Variants in PBXIP1 observed in about 807,000 individuals in gnomAD.
The protein encoded by PBXIP1 is PBX homeobox interacting protein 1, also known as pre-B-cell leukemia transcription factor-interacting protein 1.
PBXIP1 carries 73 observed loss-of-function variants against 73.7 expected under a neutral mutation model. That is an observed-to-expected ratio of 0.99 (90% confidence interval 0.82 to 1.20). PBXIP1 has a LOEUF of 1.20. Ranked by LOEUF, PBXIP1 falls within the 50% of genes most tolerant of loss-of-function variation. The probability of loss-of-function intolerance (pLI) is 0.00; values close to 1 mark genes in which losing one functional copy is unlikely to be tolerated. For missense variants in PBXIP1, 818 were observed against 911.4 expected (o/e 0.90, Z 1.32); for synonymous variants, 330 against 366.9 (o/e 0.90, Z 1.15).
chr1:154,950,454 A>C (rs1319058716), intron 5 of PBXIP1: 1 of 152,404 alleles, frequency 6.6e-6, no homozygotes, highest in East Asian at 1.9e-4. Context: ...TCAGCCTCCC[A>C]AAGTGCTGGG....
Position 154,946,662 on chromosome 1 carries a change from G to A in PBXIP1, c.1012C>T (p.Leu338Phe). The A allele has an allele frequency of 6.2e-7, 1 of 1,612,726 alleles. No individual in the cohort carries two copies. The highest frequency in any genetic ancestry group is 1.7e-4 in the Middle Eastern group (1 of 6,054). ...ESELQQLRAR[L>F]QGLEADCVRG... Reference sequence around the variant, plus strand: ...ACACAGTCGGCCTCCAGCCCCTGGAGCCGGGCCCGCAGCTGCTGCAGCTCT... The same window carrying A: ...ACACAGTCGGCCTCCAGCCCCTGGAACCGGGCCCGCAGCTGCTGCAGCTCT... The change falls in exon 10 of 11, where the codon CTC becomes TTC. Residue 338 changes from leucine (L) to phenylalanine (F), a missense_variant. Transcript: ENST00000368463.
Position 154,945,915 on chromosome 1 carries a change from C to A in PBXIP1, c.1759G>T (p.Gly587Cys), listed in dbSNP as rs1654792570. ...LLRPKYRAPQ[G>C]CSGVDECARQ... ...GCACACTCGTCCACACCTGAGCAGC[C>A]CTGGGGTGCCCGGTACTTGGGCCTC... The change falls in exon 10 of 11, where the codon GGC becomes TGC. Residue 587 changes from glycine to cysteine, a missense_variant. By Grantham distance (159) the Gly-to-Cys change is radical. Coordinates refer to ENST00000368463, the MANE Select transcript of PBXIP1 (RefSeq NM_020524.4). 1 of 1,614,212 alleles carries A rather than the reference C, an allele frequency of 6.2e-7. No individual in the cohort carries two copies. The highest frequency in any genetic ancestry group is 1.3e-5 in the African/African-American group (1 of 75,074).
chr1:154,951,059 A>C lies in PBXIP1; in HGVS notation c.409+173T>G, dbSNP rs115647626. On this transcript the variant is annotated intron_variant, in intron 5 of 10. Transcript: ENST00000368463. The surrounding 1 kb of genome is among the most constrained non-coding windows in gnomAD (Gnocchi z 4.3). ...CCTTACCAGCAGTGTGACCTTGGTC[A>C]AGTCATTCAACCTTTCTGGGCCTCA... 2.6e-5 allele frequency among the ~76,000 whole-genome samples: 4 copies of C among 152,376 alleles called. No individual in the cohort carries two copies. The highest frequency in any genetic ancestry group is 5.9e-5 in the Non-Finnish European group (4 of 68,034).
chr1:154,946,510 C>T lies in PBXIP1; in HGVS notation c.1164G>A (p.Glu388=). The T allele has an allele frequency of 6.2e-7, 1 of 1,610,264 alleles. No individual in the cohort carries two copies. The highest frequency in any genetic ancestry group is 8.5e-7 in the Non-Finnish European group (1 of 1,180,018). ...LSFLKQKEQL[E]AEAQALRQEL... ...CTTGCCTTAATGCCTGTGCCTCAGCCTCCAGCTGTTCCTTCTGCTTCAGGA... is the reference window on the plus strand; with the variant it reads ...CTTGCCTTAATGCCTGTGCCTCAGCTTCCAGCTGTTCCTTCTGCTTCAGGA... Residue 388 remains glutamate (E), a synonymous_variant, in exon 10 of 11, where the codon GAG becomes GAA. Coordinates refer to ENST00000368463, the MANE Select transcript of PBXIP1 (RefSeq NM_020524.4).
At position 154,951,370 on chromosome 1, in the gene PBXIP1, C is replaced by T. The variant is rs759513344; in HGVS notation, c.271G>A (p.Val91Met). Residue 91 changes from valine to methionine, a missense_variant, in exon 5 of 11, where the codon GTG (valine) becomes ATG (methionine). Coordinates refer to ENST00000368463, the MANE Select transcript of PBXIP1 (RefSeq NM_020524.4). This position sits in a 1 kb window ranked among gnomAD's most constrained non-coding sequence, Gnocchi z 4.3. ...KGTLEGDVCG[V>M]EPPGPGDTVV... ...GTGTCTCCTGGGCCAGGAGGCTCCA[C>T]ACCACAAACATCACCTTCCAGGGTG... 1.9e-6 allele frequency: 3 copies of T among 1,614,168 alleles called. No homozygotes were observed. The highest frequency in any genetic ancestry group is 2.5e-6 in the Non-Finnish European group (3 of 1,180,018).
chr1:154,947,706 A>G lies in PBXIP1; in HGVS notation c.674T>C (p.Met225Thr). 3 of 1,613,268 alleles carry G rather than the reference A, an allele frequency of 1.9e-6. No individual in the cohort carries two copies. Among genetic ancestry groups the G allele is most frequent in the Non-Finnish European group, 2.5e-6 (3 of 1,179,754 alleles). The change falls in exon 8 of 11, where the codon ATG becomes ACG. Residue 225 changes from methionine (M) to threonine (T), a missense_variant. By Grantham distance (81) the Met-to-Thr change is moderately conservative. Transcript: ENST00000368463. ...GAGGACCTGCCGCTCCACTTCCTCCATGGGCCCTGTGGGAAAGGGAAACCC... is the reference window on the plus strand; with the variant it reads ...GAGGACCTGCCGCTCCACTTCCTCCGTGGGCCCTGTGGGAAAGGGAAACCC... Reference protein sequence around the residue: ...GGLSESETGPMEEVERQVLPD... With the variant: ...GGLSESETGPTEEVERQVLPD...
At chr1:154,953,181 A>G (rs1418397085) in intron 2 of PBXIP1, among the ~76,000 whole-genome samples, 1 of 151,982 alleles carries the variant, frequency 6.6e-6, no homozygotes, top group Non-Finnish European at 1.5e-5. Context: ...GCCTGAGACA[A>G]TGATTGTCCT....
rs1172476008 is a variant in PBXIP1, at chr1:154,946,630, G to GC, written c.1043dup (p.Asp350ArgfsTer9). On this transcript the variant is annotated frameshift_variant, in exon 10 of 11. Transcript: ENST00000368463. LOFTEE classifies it high-confidence loss of function. ...CCCCACTGAGGCACACCCCATCTGG[G>GC]CCCCGGACACAGTCGGCCTCCAGCC... 6.2e-7 allele frequency: 1 copy of GC among 1,612,154 alleles called. No homozygotes were observed. Among genetic ancestry groups the GC allele is most frequent in the East Asian group, 2.2e-5 (1 of 44,836 alleles).
At chr1:154,955,056 T>A in intron 1 of PBXIP1, 1 of 605,928 alleles carries the variant, frequency 1.7e-6, no homozygotes, top group Non-Finnish European at 2.1e-6. Context: ...AAGATCCAAG[T>A]CCTGGATAGG....
intron 5 of PBXIP1, among the ~76,000 whole-genome samples, chr1:154,949,518 G>A (rs1024903466): frequency 5.9e-5 from 9 of 151,892 alleles, no homozygotes; most frequent in Non-Finnish European, 1.2e-4. Flanking sequence ...CCTGAGCCTC[G>A]GCATCTACAT....
In PBXIP1 at chr1:154,947,707, T is replaced by C. The variant is rs752127555; in HGVS notation, c.673A>G (p.Met225Val). 3.1e-6 allele frequency: 5 copies of C among 1,613,208 alleles called. No individual in the cohort carries two copies. The Admixed American group carries it at 6.7e-5, about 22-fold the overall frequency. Residue 225 changes from methionine to valine, a missense_variant, in exon 8 of 11, where the codon ATG (methionine) becomes GTG (valine). By Grantham distance (21) the Met-to-Val change is conservative (BLOSUM62 1). Coordinates refer to ENST00000368463, the MANE Select transcript of PBXIP1 (RefSeq NM_020524.4). ...GGLSESETGPMEEVERQVLPD... is the reference protein window; with the variant it reads ...GGLSESETGPVEEVERQVLPD... ...AGGACCTGCCGCTCCACTTCCTCCA[T>C]GGGCCCTGTGGGAAAGGGAAACCCT...
chr1:154,955,612 C>T (rs1174143377), intron 1 of PBXIP1, among the ~76,000 whole-genome samples: 1 of 152,206 alleles, frequency 6.6e-6, no homozygotes, highest in East Asian at 1.9e-4. Context: ...GCTGTCTAAT[C>T]TCCACCCTTC....
chr1:154,947,943 T>C, intron 7 of PBXIP1, 39 bp downstream of exon 7: 1 of 1,606,944 alleles, frequency 6.2e-7, no homozygotes. Context: ...AGAGAACACA[T>C]ACAACTCCCC....
At chr1:154,945,250 G>T in intron 10 of PBXIP1, 133 bp from the exon 11 acceptor site, 1 of 671,350 alleles carries the variant, frequency 1.5e-6, no homozygotes, top group Non-Finnish European at 2.6e-6. Flanking sequence ...GAAAAACCTG[G>T]TCTCCCAGGA....
intron 1 of PBXIP1, among the ~76,000 whole-genome samples, chr1:154,954,103 G>A (rs1655095711): frequency 6.6e-6 from 1 of 152,220 alleles, no homozygotes; most frequent in Non-Finnish European, 1.5e-5. Context: ...AGCCCAGCAA[G>A]GTTGACAGAC....
chr1:154,948,450 C>T lies in PBXIP1; in HGVS notation c.410-84G>A, dbSNP rs1057356423. 3.8e-6 allele frequency: 4 copies of T among 1,039,574 alleles called. No homozygotes were observed. The African/African-American group carries it at 6.4e-5, about 17-fold the overall frequency. The allele number at this position is 1,039,574 out of a possible 1,614,324, so 64.4% of individuals were successfully genotyped here. On this transcript the variant is annotated intron_variant, in intron 5 of 10. Coordinates refer to ENST00000368463, the MANE Select transcript of PBXIP1 (RefSeq NM_020524.4). Reference sequence around the variant, plus strand: ...GAGAGAGGGGAATCAGAGGAAGGCACAGGGAGGGAGGTCGTCAGCCCTGAC... The same window carrying T: ...GAGAGAGGGGAATCAGAGGAAGGCATAGGGAGGGAGGTCGTCAGCCCTGAC...
At chr1:154,953,258 C>T (rs1049760165) in intron 2 of PBXIP1, among the ~76,000 whole-genome samples, 1 of 152,196 alleles carries the variant, frequency 6.6e-6, no homozygotes, top group Non-Finnish European at 1.5e-5. Context: ...CTCAGCCAGG[C>T]TCTTCCGGTC....
chr1:154,948,107 G>A (rs1336949216), intron 6 of PBXIP1, 26 bp downstream of exon 6: 5 of 1,567,530 alleles, frequency 3.2e-6, no homozygotes, highest in Non-Finnish European at 3.5e-6. Context: ...GAAGCCCAAA[G>A]CCCCAGCCTC....
chr1:154,955,883 T>C (rs143384549), intron 1 of PBXIP1, among the ~76,000 whole-genome samples, 186 bp downstream of exon 1: 276 of 152,316 alleles, frequency 1.8e-3, no homozygotes, highest in African/African-American at 6.1e-3. Context: ...AAGCAAAGGA[T>C]CTAGGGCCAC....
Sources: allele counts gnomAD v4.1 joint callset (sites outside exome capture counted in the v4.1 genomes callset), GRCh38; gene constraint gnomAD v4.1.1; non-coding constraint Gnocchi (gnomAD v3.1); transcripts MANE v1.5; gene names NCBI Gene and HGNC (gene_info 2026-07-23, HGNC 2026-07-21).